Variants in EPRS1 observed in about 807,000 individuals in gnomAD.
The protein encoded by EPRS1 is bifunctional glutamate/proline--tRNA ligase.
A neutral mutation model predicts 188.3 loss-of-function variants in EPRS1; 107 were observed. That is an observed-to-expected ratio of 0.57 (90% CI 0.49 to 0.67). The LOEUF (loss-of-function observed/expected upper bound fraction) is 0.67, where lower values mean the gene tolerates loss of function less well. EPRS1 is among the 30% of genes least tolerant of loss of function. EPRS1 has a pLI of 0.00. For missense variants in EPRS1, 1,577 were observed against 1,802.2 expected (o/e 0.88, Z 2.26); for synonymous variants, 596 against 593.1 (o/e 1.00, Z -0.07).
intron 23 of EPRS1, among the ~76,000 whole-genome samples, chr1:219,982,222 C>T (rs1008991069): frequency 2.0e-5 from 3 of 152,196 alleles, no homozygotes; most frequent in Admixed American, 6.5e-5. Flanking sequence ...AATTTTCCAA[C>T]AGCATTTCCA....
rs2102562198 is a variant in EPRS1, at chr1:219,978,565, A to G, written c.4064T>C (p.Phe1355Ser). The G allele has an allele frequency of 6.3e-7, 1 of 1,579,700 alleles. No homozygotes were observed. The highest frequency in any genetic ancestry group is 8.6e-7 in the Non-Finnish European group (1 of 1,159,700). The change falls in exon 28 of 32, where the codon TTC becomes TCC. Residue 1355 changes from phenylalanine (F) to serine (S), a missense_variant. Physicochemically the swap from Phe to Ser is radical, Grantham distance 155 (BLOSUM62 -2). This residue lies in a region of EPRS1 where 296 missense variants were observed against 327.9 expected (regional missense o/e 0.90). Coordinates refer to ENST00000366923, the MANE Select transcript of EPRS1 (RefSeq NM_004446.3). ...ATTTACCTTGAGCTCCCAGTGATTG[A>G]ATTTCCAACCTGGAGAATAATTATC... ...LRDNYSPGWKFNHWELKGVPI... is the reference protein window; with the variant it reads ...LRDNYSPGWKSNHWELKGVPI...
chr1:219,979,543 G>C lies in EPRS1; in HGVS notation c.3784C>G (p.Pro1262Ala). 6.2e-7 allele frequency: 1 copy of C among 1,613,824 alleles called. No homozygotes were observed. Among genetic ancestry groups the C allele is most frequent in the Non-Finnish European group, 8.5e-7 (1 of 1,179,820 alleles). Reference sequence around the variant, plus strand: ...TGATAGGCAAATTGCTTCTCTCCTGGTATCTTTGGATCTTCAAAAACGATT... The same window carrying C: ...TGATAGGCAAATTGCTTCTCTCCTGCTATCTTTGGATCTTCAAAAACGATT... ...FEIVFEDPKI[P>A]GEKQFAYQNS... The change falls in exon 27 of 32, where the codon CCA becomes GCA. Residue 1262 changes from proline to alanine, a missense_variant. By Grantham distance (27) the Pro-to-Ala change is conservative. This residue lies in a region of EPRS1 where 296 missense variants were observed against 327.9 expected (regional missense o/e 0.90). Transcript: ENST00000366923.
intron 20 of EPRS1, 151 bp downstream of exon 20, chr1:219,986,991 G>C (rs1661018770): frequency 1.2e-6 from 1 of 814,568 alleles, no homozygotes. Context: ...AAACTAAATG[G>C]AAAATCAATA....
chr1:220,010,845 A>G (rs1661590903), intron 13 of EPRS1, 101 bp downstream of exon 13: 3 of 700,014 alleles, frequency 4.3e-6, no homozygotes, highest in Admixed American at 4.8e-5. Context: ...AAAGAAAATC[A>G]TCTCAAAATC....
chr1:219,970,290 C>T (rs986710958), intron 30 of EPRS1, among the ~76,000 whole-genome samples: 1 of 152,144 alleles, frequency 6.6e-6, no homozygotes, highest in East Asian at 1.9e-4. Flanking sequence ...ATTAGAAATA[C>T]AGTGTAAAGC....
chr1:219,973,137 C>A, intron 29 of EPRS1, 101 bp downstream of exon 29: 1 of 932,218 alleles, frequency 1.1e-6, no homozygotes. Context: ...AGGGAGGGAA[C>A]AATTGCTTCC....
At chr1:220,030,337 C>T (rs1217562256) in intron 6 of EPRS1, 49 bp downstream of exon 6, 3 of 1,238,914 alleles carry the variant, frequency 2.4e-6, no homozygotes, top group Non-Finnish European at 2.4e-6. Context: ...TGTTTTAAAG[C>T]TTTCCCACTA....
intron 18 of EPRS1, among the ~76,000 whole-genome samples, chr1:219,990,333 A>C (rs1661096433): frequency 6.6e-6 from 1 of 152,096 alleles, no homozygotes; most frequent in Non-Finnish European, 1.5e-5. Flanking sequence ...AAATTATACT[A>C]ATCACCACTA....
chr1:220,011,539 C>T (rs915010914), intron 12 of EPRS1, among the ~76,000 whole-genome samples: 1 of 152,178 alleles, frequency 6.6e-6, no homozygotes, highest in Admixed American at 6.5e-5. Context: ...CATTCGGTCA[C>T]TATAATAAGG....
chr1:220,040,116 TCTCTAAAAAAA>T (rs1662264049), intron 2 of EPRS1, 58 bp downstream of exon 2: 4 of 998,428 alleles, frequency 4.0e-6, no homozygotes, highest in Non-Finnish European at 4.6e-6. Context: ...GGAGACTCTG[TCTCTAAAAAAA>T]CTCTAAAAAA....
chr1:219,987,521 G>A (rs1308427179), intron 19 of EPRS1, 117 bp from the exon 20 acceptor site: 1 of 832,950 alleles, frequency 1.2e-6, no homozygotes, highest in African/African-American at 1.7e-5. Context: ...TATCACACGG[G>A]GAATGTGCCC....
At chr1:219,978,748 T>G in intron 27 of EPRS1, 29 bp from the exon 28 acceptor site, 1 of 1,574,596 alleles carries the variant, frequency 6.4e-7, no homozygotes, top group Non-Finnish European at 8.7e-7. Flanking sequence ...CCCAAATGTA[T>G]GCAAAGAAAC....
chr1:220,020,295 T>G (rs573965049), intron 9 of EPRS1, 74 bp from the exon 10 acceptor site: 41 of 916,426 alleles, frequency 4.5e-5, no homozygotes, highest in Middle Eastern at 4.4e-4. Context: ...TAAACAACAA[T>G]ACTAATTTAA....
intron 6 of EPRS1, among the ~76,000 whole-genome samples, chr1:220,029,153 G>A (rs1431576644): frequency 6.6e-6 from 1 of 152,066 alleles, no homozygotes; most frequent in East Asian, 1.9e-4. Flanking sequence ...CTATCCAACA[G>A]GACAATCATG....
At chr1:219,969,601 G>A (rs998804836) in intron 30 of EPRS1, among the ~76,000 whole-genome samples, 2 of 149,072 alleles carry the variant, frequency 1.3e-5, no homozygotes, top group Non-Finnish European at 3.0e-5. Flanking sequence ...TTCCTAACAT[G>A]TTATATAGGT....
At position 220,031,023 on chromosome 1, in the gene EPRS1, C is replaced by T. The variant is rs183534646; in HGVS notation, c.529-543G>A. On this transcript the variant is annotated intron_variant, in intron 5 of 31. Transcript: ENST00000366923. The stretch of plus-strand genomic sequence containing the variant: ...AGGAGAATCGCTTGAACCTGGGAGA[C>T]GGAGGCTGCAGTGAGCCGAGATCAT... Among the ~76,000 whole-genome samples, 353 of 150,192 alleles carry T rather than the reference C, an allele frequency of 2.4e-3. 3 individuals are homozygous for T. The highest frequency in any genetic ancestry group is 7.6e-3 in the African/African-American group (311 of 40,760).
chr1:219,992,718 G>T (rs908416445), intron 18 of EPRS1, among the ~76,000 whole-genome samples: 1 of 152,236 alleles, frequency 6.6e-6, no homozygotes, highest in African/African-American at 2.4e-5. Context: ...CCTGAGGTCA[G>T]GAGTTCGAGA....
At chr1:220,034,844 A>G in intron 3 of EPRS1, 70 bp downstream of exon 3, 1 of 861,912 alleles carries the variant, frequency 1.2e-6, no homozygotes, top group Non-Finnish European at 2.0e-6. Context: ...GCCAACAATA[A>G]ATGATGAGGT....
rs1359133942 is a variant in EPRS1, at chr1:220,018,455, G to A, written c.1488C>T (p.Asn496=). 3.1e-6 allele frequency: 5 copies of A among 1,609,972 alleles called. No homozygotes were observed. The South Asian group carries it at 5.5e-5, about 18-fold the overall frequency. Residue 496 remains asparagine, a synonymous_variant, in exon 12 of 32, where the codon AAC becomes AAT. Coordinates refer to ENST00000366923, the MANE Select transcript of EPRS1 (RefSeq NM_004446.3). ...NMEWDKIWAF[N]KKVIDPVAPR... The stretch of plus-strand genomic sequence containing the variant: ...AGAGAGTTAACATACATACCTTTTT[G>A]TTAAACGCCCAGATTTTGTCCCACT...
Sources: gnomAD v4.1 joint callset for allele counts (sites outside exome capture counted in the v4.1 genomes callset) on GRCh38, gnomAD v4.1.1 for gene constraint, gnomAD v4.1.1 regional missense constraint, MANE v1.5 for transcripts, NCBI Gene and HGNC (gene_info 2026-07-23, HGNC 2026-07-21) for gene names.